ROBO1: variants seen among roughly 807,000 people sequenced by gnomAD.
ROBO1 encodes roundabout guidance receptor 1.
ROBO1 carries 149 observed loss-of-function variants against 195.9 expected under a neutral mutation model. That is an observed-to-expected ratio of 0.76 (90% CI 0.67 to 0.87). ROBO1 has a LOEUF of 0.87. ROBO1 is among the 40% of genes least tolerant of loss of function. The probability of loss-of-function intolerance (pLI) is 0.00; values close to 1 mark genes in which losing one functional copy is unlikely to be tolerated. For missense variants in ROBO1, 1,933 were observed against 2,068.3 expected (o/e 0.93, Z 1.27); for synonymous variants, 816 against 733.2 (o/e 1.11, Z -1.82).
intron 1 of ROBO1, among the ~76,000 whole-genome samples, chr3:79,725,735 T>C (rs559134251): frequency 2.0e-5 from 3 of 152,268 alleles, no homozygotes; most frequent in Admixed American, 6.5e-5. Context: ...ATTTTGTATG[T>C]CTTCTGTAAT....
chr3:79,637,934 A>T (rs141396406), intron 1 of ROBO1, among the ~76,000 whole-genome samples: 76 of 152,198 alleles, frequency 5.0e-4, no homozygotes, highest in African/African-American at 1.6e-3. Context: ...TTTTATATGG[A>T]TGGTTAGTAT....
chr3:79,017,318 C>T (rs1446140794), intron 3 of ROBO1, among the ~76,000 whole-genome samples: 1 of 151,996 alleles, frequency 6.6e-6, no homozygotes, highest in Non-Finnish European at 1.5e-5. Context: ...AAATGATAAC[C>T]ATAGACCACA....
At chr3:79,023,384 T>C (rs2078138837) in intron 3 of ROBO1, among the ~76,000 whole-genome samples, 1 of 152,202 alleles carries the variant, frequency 6.6e-6, no homozygotes, top group Admixed American at 6.5e-5. Flanking sequence ...CAAGCTAAAG[T>C]GATCCGAATA....
intron 8 of ROBO1, among the ~76,000 whole-genome samples, chr3:78,690,415 T>C (rs2081146124): frequency 6.6e-6 from 1 of 152,078 alleles, no homozygotes; most frequent in African/African-American, 2.4e-5. Context: ...TTAGGAAATA[T>C]AGTTTAAGTT....
At chr3:78,898,999 T>TCC (rs2037425078) in intron 4 of ROBO1, among the ~76,000 whole-genome samples, 1 of 152,080 alleles carries the variant, frequency 6.6e-6, no homozygotes, top group South Asian at 2.1e-4. Flanking sequence ...ACTCCAGGCA[T>TCC]CCCCCTGAGT....
At chr3:78,767,671 G>T (rs2083265014) in intron 4 of ROBO1, among the ~76,000 whole-genome samples, 1 of 152,144 alleles carries the variant, frequency 6.6e-6, no homozygotes, top group African/African-American at 2.4e-5. Flanking sequence ...ATTTTCCCAA[G>T]AATTTATCCA....
intron 2 of ROBO1, among the ~76,000 whole-genome samples, chr3:79,405,039 T>A (rs2037493558): frequency 6.6e-6 from 1 of 152,138 alleles, no homozygotes; most frequent in Non-Finnish European, 1.5e-5. Flanking sequence ...CCATTGAAAT[T>A]ATGTTTTTAA....
chr3:79,045,322 T>C (rs945090937), intron 3 of ROBO1, among the ~76,000 whole-genome samples: 1 of 152,062 alleles, frequency 6.6e-6, no homozygotes, highest in Non-Finnish European at 1.5e-5. Flanking sequence ...TAATGAACTA[T>C]ACATTAAAGT....
Position 78,661,999 on chromosome 3 carries a change from G to C in ROBO1, c.2082C>G (p.His694Gln). 1.2e-6 allele frequency: 2 copies of C among 1,608,174 alleles called. No individual in the cohort carries two copies. The highest frequency in any genetic ancestry group is 4.5e-5 in the East Asian group (2 of 44,790). Residue 694 changes from histidine to glutamine, a missense_variant, in exon 15 of 31, where the codon CAC becomes CAG. Physicochemically the swap from His to Gln is conservative, Grantham distance 24. Around this residue, in one of 3 missense-constraint regions of ROBO1, gnomAD observed 1,737 missense variants for 1,882.5 expected, o/e 0.92. Coordinates refer to ENST00000464233, the MANE Select transcript of ROBO1 (RefSeq NM_002941.4). ...AAATATTGTAACAACTCACTGTCCA[G>C]TGCACTTCGATGGAAGAGGAAGAAA... ...TVLSSSSIEV[H>Q]WTVDQQSQYI...
chr3:79,235,275 T>C (rs946355849), intron 2 of ROBO1, among the ~76,000 whole-genome samples: 1 of 152,158 alleles, frequency 6.6e-6, no homozygotes, highest in African/African-American at 2.4e-5. Context: ...TCAAGAAAGT[T>C]TTTATTTTTT....
chr3:79,749,811 G>T (rs1704048215), intron 1 of ROBO1, among the ~76,000 whole-genome samples: 2 of 152,240 alleles, frequency 1.3e-5, no homozygotes, highest in East Asian at 3.9e-4. Context: ...CCAGGCAGAA[G>T]TTCATCACAG....
intron 3 of ROBO1, among the ~76,000 whole-genome samples, chr3:78,996,598 G>A (rs190896241): frequency 2.0e-5 from 3 of 152,092 alleles, no homozygotes; most frequent in African/African-American, 4.8e-5. Flanking sequence ...GACAAGGAAC[G>A]GCTTTACTGA....
intron 2 of ROBO1, among the ~76,000 whole-genome samples, chr3:79,512,231 A>G (rs1300467592): frequency 6.6e-6 from 1 of 152,178 alleles, no homozygotes; most frequent in Non-Finnish European, 1.5e-5. Context: ...ATTCTACTTT[A>G]TACGTGAATA....
At chr3:78,959,505 G>A (rs977326337) in intron 3 of ROBO1, among the ~76,000 whole-genome samples, 15 of 152,042 alleles carry the variant, frequency 9.9e-5, no homozygotes, top group African/African-American at 3.6e-4. Context: ...AACAATGAAT[G>A]GAAGTAAAAT....
At chr3:79,638,108 A>C (rs1945549724) in intron 1 of ROBO1, among the ~76,000 whole-genome samples, 1 of 152,252 alleles carries the variant, frequency 6.6e-6, no homozygotes, top group African/African-American at 2.4e-5. Flanking sequence ...CTACTCCATT[A>C]GGAAAGTAAG....
intron 4 of ROBO1, among the ~76,000 whole-genome samples, chr3:78,898,658 G>A (rs1275695501): frequency 6.6e-6 from 1 of 151,614 alleles, no homozygotes; most frequent in East Asian, 1.9e-4. Flanking sequence ...CAAAGTGCTG[G>A]GATTACAGGA....
At chr3:79,014,288 A>G (rs1371169870) in intron 3 of ROBO1, among the ~76,000 whole-genome samples, 3 of 151,972 alleles carry the variant, frequency 2.0e-5, no homozygotes, top group African/African-American at 7.2e-5. Flanking sequence ...TGGCCAACAC[A>G]GTGAAAACCC....
chr3:78,935,390 G>C (rs180762068), intron 4 of ROBO1, among the ~76,000 whole-genome samples: 1 of 152,060 alleles, frequency 6.6e-6, no homozygotes, highest in Admixed American at 6.5e-5. Flanking sequence ...TTCTACAATG[G>C]AAAACATGAG....
intron 3 of ROBO1, among the ~76,000 whole-genome samples, chr3:78,967,781 GATTT>G (rs1166419997): frequency 2.6e-5 from 4 of 151,986 alleles, no homozygotes; most frequent in African/African-American, 4.8e-5. Flanking sequence ...ACAGCAAAAT[GATTT>G]ATTTAACTTA....
Sources: allele counts gnomAD v4.1 joint callset (sites outside exome capture counted in the v4.1 genomes callset), GRCh38; gene constraint gnomAD v4.1.1; regional missense constraint gnomAD v4.1.1; transcripts MANE v1.5; gene names NCBI Gene and HGNC (gene_info 2026-07-23, HGNC 2026-07-21).